ANKRD13C: variants seen among roughly 807,000 people sequenced by gnomAD.
ANKRD13C encodes the protein ankyrin repeat domain-containing protein 13C.
ANKRD13C carries 16 observed loss-of-function variants against 65.5 expected under a neutral mutation model. That is an observed-to-expected ratio of 0.24 (90% CI 0.17 to 0.37). The LOEUF (loss-of-function observed/expected upper bound fraction) is 0.37, where lower values mean the gene tolerates loss of function less well. Ranked by LOEUF, ANKRD13C falls within the 10% of genes least tolerant of loss-of-function variation. The pLI, the probability that ANKRD13C is intolerant of heterozygous loss-of-function variation, is 1.00. For synonymous variants in ANKRD13C, 235 were observed against 238.7 expected (o/e 0.98, Z 0.14); for missense variants, 503 against 655.9 (o/e 0.77, Z 2.55).
intron 1 of ANKRD13C, among the ~76,000 whole-genome samples, chr1:70,337,674 TG>T (rs1426833737): frequency 2.6e-5 from 4 of 152,208 alleles, no homozygotes; most frequent in African/African-American, 9.6e-5. Context: ...GAAAATCTCT[TG>T]ATCTTAACTA....
intron 3 of ANKRD13C, among the ~76,000 whole-genome samples, chr1:70,324,384 T>C (rs541360061): frequency 9.8e-5 from 15 of 152,320 alleles, no homozygotes; most frequent in Non-Finnish European, 1.6e-4. Flanking sequence ...GAATATGACA[T>C]GTTTTGGAAA....
intron 3 of ANKRD13C, 100 bp from the exon 4 acceptor site, chr1:70,315,666 T>G: frequency 1.2e-6 from 1 of 849,100 alleles, no homozygotes; most frequent in Non-Finnish European, 1.8e-6. Flanking sequence ...CATGTACACA[T>G]ATATGCACGT....
intron 7 of ANKRD13C, among the ~76,000 whole-genome samples, chr1:70,300,204 T>C (rs1680285512): frequency 6.6e-6 from 1 of 152,034 alleles, no homozygotes; most frequent in South Asian, 2.1e-4. Context: ...TGAAGAGAAG[T>C]TGGAGTTCAT....
At chr1:70,278,414 A>G (rs1314304336) in intron 9 of ANKRD13C, among the ~76,000 whole-genome samples, 1 of 150,308 alleles carries the variant, frequency 6.7e-6, no homozygotes, top group Non-Finnish European at 1.5e-5. Flanking sequence ...AATCACCTGA[A>G]CCCAGGAGGC....
chr1:70,263,346 T>C (rs1678469322), intron 12 of ANKRD13C, among the ~76,000 whole-genome samples: 1 of 152,160 alleles, frequency 6.6e-6, no homozygotes, highest in African/African-American at 2.4e-5. Flanking sequence ...AAAAACAGTC[T>C]CATCAGAAAT....
chr1:70,322,370 G>C (rs918201392), intron 3 of ANKRD13C, among the ~76,000 whole-genome samples: 1 of 152,072 alleles, frequency 6.6e-6, no homozygotes, highest in African/African-American at 2.4e-5. Context: ...TGTTTCATGT[G>C]ATGGAAAGTA....
chr1:70,266,177 CAA>C (rs1678624136), intron 12 of ANKRD13C, among the ~76,000 whole-genome samples: 1 of 152,162 alleles, frequency 6.6e-6, no homozygotes, highest in Non-Finnish European at 1.5e-5. Context: ...GGCATCCACT[CAA>C]CTGTTCACTG....
intron 2 of ANKRD13C, among the ~76,000 whole-genome samples, chr1:70,330,103 AC>A (rs1393510358): frequency 2.0e-5 from 3 of 151,948 alleles, no homozygotes; most frequent in Admixed American, 1.3e-4. Flanking sequence ...AAAAAAAAAA[AC>A]AACCAGATCA....
intron 12 of ANKRD13C, among the ~76,000 whole-genome samples, chr1:70,263,224 A>G (rs1297749915): frequency 1.3e-5 from 2 of 152,116 alleles, no homozygotes; most frequent in Non-Finnish European, 2.9e-5. Context: ...TATATTTACT[A>G]TTCTGACTCT....
At chr1:70,320,008 G>A (rs1042978690) in intron 3 of ANKRD13C, among the ~76,000 whole-genome samples, 6 of 152,128 alleles carry the variant, frequency 3.9e-5, no homozygotes, top group African/African-American at 1.4e-4. Flanking sequence ...AGAGTTCTGA[G>A]ACAATATATG....
intron 5 of ANKRD13C, among the ~76,000 whole-genome samples, chr1:70,309,715 C>CAAAAA (rs1165416550): frequency 1.4e-5 from 2 of 138,842 alleles, no homozygotes; most frequent in Middle Eastern, 3.7e-3. Context: ...GACTCCGTCG[C>CAAAAA]AAAAAAAAAA....
intron 1 of ANKRD13C, among the ~76,000 whole-genome samples, chr1:70,341,471 C>A (rs1682308557): frequency 6.6e-6 from 1 of 150,796 alleles, no homozygotes; most frequent in African/African-American, 2.4e-5. Context: ...AAGCGATTCT[C>A]CTGCCTCAGC....
chr1:70,312,685 A>C (rs1455971972), intron 5 of ANKRD13C, among the ~76,000 whole-genome samples: 1 of 151,064 alleles, frequency 6.6e-6, no homozygotes, highest in Non-Finnish European at 1.5e-5. Flanking sequence ...AAAAAAAATT[A>C]ATTTAGATGC....
At chr1:70,314,164 G>A (rs1680972195) in intron 4 of ANKRD13C, among the ~76,000 whole-genome samples, 1 of 151,646 alleles carries the variant, frequency 6.6e-6, no homozygotes, top group African/African-American at 2.4e-5. Flanking sequence ...TTTCTGTAAA[G>A]GGATAATACA....
intron 2 of ANKRD13C, among the ~76,000 whole-genome samples, chr1:70,331,546 C>T (rs184848140): frequency 2.0e-4 from 30 of 151,378 alleles, no homozygotes; most frequent in African/African-American, 5.8e-4. Flanking sequence ...ATAAAAGCAA[C>T]GTATAGAACA....
At position 70,261,272 on chromosome 1, in the gene ANKRD13C, G is replaced by A. The variant is rs1463686709; in HGVS notation, c.*1445C>T. ...GATGTTTATTTAAAATTTTTCTTAC[G>A]GTTTATGCTTTGGATTTTTAAATCA... is the stretch of plus-strand genomic sequence containing the variant. On this transcript the variant is annotated 3_prime_UTR_variant, in exon 13 of 13. Transcript: ENST00000370944. 2.6e-5 allele frequency: 4 copies of A among 151,996 alleles called. No homozygotes were observed. Among genetic ancestry groups the A allele is most frequent in the Non-Finnish European group, 5.9e-5 (4 of 67,894 alleles). 9.4% of individuals were successfully genotyped at this position (151,996 alleles called of 1,614,324 possible).
In ANKRD13C at chr1:70,313,777, T is replaced by G; in HGVS notation, c.677A>C (p.Tyr226Ser). ...TTGAAAATCCCAGTGAAGTTCTAGA[T>G]AAAAGTCACCTAGCTGAAAAATGAA... ...LKALKELGDF[Y>S]LELHWDFQSW... Residue 226 changes from tyrosine (Y) to serine (S), a missense_variant, in exon 5 of 13, where the codon TAT becomes TCT. Physicochemically the swap from Tyr to Ser is moderately radical, Grantham distance 144. This residue lies in a region of ANKRD13C where 300 missense variants were observed against 478.3 expected (regional missense o/e 0.63). Coordinates refer to ENST00000370944, the MANE Select transcript of ANKRD13C (RefSeq NM_030816.5). 6.2e-7 allele frequency: 1 copy of G among 1,609,748 alleles called. No homozygotes were observed. The highest frequency in any genetic ancestry group is 8.5e-7 in the Non-Finnish European group (1 of 1,176,636).
intron 12 of ANKRD13C, 45 bp from the exon 13 acceptor site, chr1:70,262,892 A>G: frequency 6.4e-7 from 1 of 1,554,200 alleles, no homozygotes; most frequent in Non-Finnish European, 8.8e-7. Flanking sequence ...TCAAATGTTA[A>G]TATTCATAGA....
Position 70,261,661 on chromosome 1 carries a change from C to G in ANKRD13C, c.*1056G>C, listed in dbSNP as rs1418879921. 6.6e-6 allele frequency: 1 copy of G among 152,402 alleles called. No individual in the cohort carries two copies. Among genetic ancestry groups the G allele is most frequent in the African/African-American group, 2.4e-5 (1 of 41,408 alleles). 9.4% of individuals were successfully genotyped at this position (152,402 alleles called of 1,614,324 possible). On this transcript the variant is annotated 3_prime_UTR_variant, in exon 13 of 13. Transcript: ENST00000370944. ...AATCAATCTTGTGTATACTTCTGGA[C>G]TTTAACTTGTAACAAATATATTCTG...
Sources: allele counts gnomAD v4.1 joint callset (sites outside exome capture counted in the v4.1 genomes callset), GRCh38; gene constraint gnomAD v4.1.1; regional missense constraint gnomAD v4.1.1; transcripts MANE v1.5; gene names NCBI Gene and HGNC (gene_info 2026-07-23, HGNC 2026-07-21).